Variants in CCDC112 observed in about 807,000 individuals in gnomAD.
CCDC112 encodes the protein coiled-coil domain-containing protein 112.
CCDC112 carries 40 observed loss-of-function variants against 66.3 expected under a neutral mutation model. That is an observed-to-expected ratio of 0.60 (90% CI 0.47 to 0.79). The LOEUF is 0.79. Among genes scored for constraint, CCDC112 ranks in the 30% least tolerant of loss-of-function variants. The probability of loss-of-function intolerance (pLI) is 0.00; values close to 1 mark genes in which losing one functional copy is unlikely to be tolerated. For missense variants in CCDC112, 659 were observed against 603.8 expected (o/e 1.09, Z -0.96); for synonymous variants, 214 against 197.2 (o/e 1.09, Z -0.71).
rs1452231364 is a variant in CCDC112, at chr5:115,279,635, A to C, written c.361+12T>G. ...GCTCAACAGTTTTTAGTTCATCACA[A>C]ACTCAACTTACTTTCTGTTTTCCTG... On this transcript the variant is annotated intron_variant, in intron 3 of 9. Coordinates refer to ENST00000379611, the MANE Select transcript of CCDC112 (RefSeq NM_001040440.3). 1 of 1,609,944 alleles carries C rather than the reference A, an allele frequency of 6.2e-7. No homozygotes were observed. The highest frequency in any genetic ancestry group is 1.7e-5 in the Admixed American group (1 of 59,954).
chr5:115,296,482 G>C lies in CCDC112; in HGVS notation c.62C>G (p.Ala21Gly). The change falls in exon 1 of 10, where the codon GCA (alanine) becomes GGA (glycine). Residue 21 changes from alanine to glycine, a missense_variant. By Grantham distance (60) the Ala-to-Gly change is moderately conservative. Transcript: ENST00000379611. ...AAATAVAGAV[A>G]GAGAATGTGV... is the part of the protein sequence containing the mutation. ...GGTCCCGGTGGCCGCGCCCGCCCCT[G>C]CCACAGCCCCGGCTACCGCGGTGGC... 1 of 1,566,558 alleles carries C rather than the reference G, an allele frequency of 6.4e-7. No homozygotes were observed. The highest frequency in any genetic ancestry group is 8.6e-7 in the Non-Finnish European group (1 of 1,162,986).
chr5:115,284,698 G>A, intron 2 of CCDC112, 89 bp downstream of exon 2: 1 of 995,658 alleles, frequency 1.0e-6, no homozygotes, highest in East Asian at 2.6e-5. Flanking sequence ...CTTAATGTGA[G>A]CCTAGGTAGG....
chr5:115,290,989 T>C (rs1198876615), intron 1 of CCDC112, among the ~76,000 whole-genome samples: 2 of 152,200 alleles, frequency 1.3e-5, no homozygotes, highest in East Asian at 3.8e-4. Context: ...TTTGCTCTTC[T>C]TGCCTAATTG....
Position 115,275,197 on chromosome 5 carries a change from T to A in CCDC112, c.918+19A>T, listed in dbSNP as rs371495207. 7 of 1,551,942 alleles carry A rather than the reference T, an allele frequency of 4.5e-6. No individual in the cohort carries two copies. The highest frequency in any genetic ancestry group is 2.7e-5 in the African/African-American group (2 of 72,766). The stretch of plus-strand genomic sequence containing the variant: ...GAACATAGAAACACAGAATGAATAA[T>A]AGCTATTATAATTATTACCTCTTTT... On this transcript the variant is annotated intron_variant, in intron 6 of 9. Coordinates refer to ENST00000379611, the MANE Select transcript of CCDC112 (RefSeq NM_001040440.3).
At position 115,278,670 on chromosome 5, in the gene CCDC112, G is replaced by C. The variant is rs541607946; in HGVS notation, c.361+977C>G. ...GAACTGAGGGAAATAAAGAAATATT[G>C]AATCAGGGGTGTCTCGGTTTTTCAA... On this transcript the variant is annotated intron_variant, in intron 3 of 9. Transcript: ENST00000379611. 4.2e-4 allele frequency among the ~76,000 whole-genome samples: 64 copies of C among 152,070 alleles called. 1 individual carries two copies. In the South Asian group the frequency reaches 0.013, roughly 31 times the overall value.
chr5:115,271,137 T>C, intron 7 of CCDC112, 76 bp downstream of exon 7: 3 of 1,379,492 alleles, frequency 2.2e-6, no homozygotes. Context: ...AATACTCAAT[T>C]TTTGCTTAAC....
intron 3 of CCDC112, among the ~76,000 whole-genome samples, chr5:115,279,201 T>G (rs1357748826): frequency 6.6e-6 from 1 of 152,186 alleles, no homozygotes; most frequent in Non-Finnish European, 1.5e-5. Flanking sequence ...TTTATGCAAT[T>G]ATCTGACTTG....
chr5:115,280,677 T>C (rs1228742651), intron 2 of CCDC112, among the ~76,000 whole-genome samples: 3 of 151,272 alleles, frequency 2.0e-5, no homozygotes, highest in African/African-American at 7.3e-5. Flanking sequence ...CTCAGTCTCC[T>C]GAGTAGCTGG....
At chr5:115,278,487 T>TA (rs1401977834) in intron 3 of CCDC112, among the ~76,000 whole-genome samples, 1 of 151,758 alleles carries the variant, frequency 6.6e-6, no homozygotes, top group African/African-American at 2.4e-5. Flanking sequence ...AAAAATAACT[T>TA]AAAAAAATAA....
In CCDC112 at chr5:115,271,448, C is replaced by T; in HGVS notation, c.1097G>A (p.Ser366Asn). The T allele has an allele frequency of 6.2e-7, 1 of 1,611,868 alleles. No individual in the cohort carries two copies. Among genetic ancestry groups the T allele is most frequent in the Non-Finnish European group, 8.5e-7 (1 of 1,179,568 alleles). ...LAVEAWKKQK[S>N]IEMSMKCASQ... ...AGCACATTTCATTGACATTTCTATA[C>T]TTTTCTGTTTCTTCCAAGCTTCAAC... Residue 366 changes from serine (S) to asparagine (N), a missense_variant, in exon 7 of 10, where the codon AGT (serine) becomes AAT (asparagine). By Grantham distance (46) the Ser-to-Asn change is conservative. Coordinates refer to ENST00000379611, the MANE Select transcript of CCDC112 (RefSeq NM_001040440.3).
At chr5:115,270,952 C>G (rs1039174116) in intron 7 of CCDC112, among the ~76,000 whole-genome samples, 2 of 152,134 alleles carry the variant, frequency 1.3e-5, no homozygotes, top group African/African-American at 4.8e-5. Context: ...AGCGTCCCTC[C>G]CTGTACTCCC....
chr5:115,284,423 A>T (rs895898816), intron 2 of CCDC112, among the ~76,000 whole-genome samples: 25 of 152,338 alleles, frequency 1.6e-4, no homozygotes, highest in African/African-American at 6.0e-4. Flanking sequence ...CATAATAAAA[A>T]AACACAAAAA....
Position 115,275,204 on chromosome 5 carries a change from T to C in CCDC112, c.918+12A>G, listed in dbSNP as rs1359648863. 2 of 1,573,346 alleles carry C rather than the reference T, an allele frequency of 1.3e-6. No homozygotes were observed. The highest frequency in any genetic ancestry group is 1.7e-6 in the Non-Finnish European group (2 of 1,153,588). ...GAAACACAGAATGAATAATAGCTAT[T>C]ATAATTATTACCTCTTTTTTTCTTT... On this transcript the variant is annotated intron_variant, in intron 6 of 9. Transcript: ENST00000379611.
intron 1 of CCDC112, among the ~76,000 whole-genome samples, chr5:115,290,123 T>G (rs912638035): frequency 6.6e-6 from 1 of 152,252 alleles, no homozygotes; most frequent in Non-Finnish European, 1.5e-5. Context: ...TTATTCTAAG[T>G]TTTTTAGACC....
At chr5:115,296,197 G>A (rs1268519323) in intron 1 of CCDC112, 4 of 1,275,172 alleles carry the variant, frequency 3.1e-6, no homozygotes, top group Non-Finnish European at 4.0e-6. Context: ...GGAAGCGGCA[G>A]AGCCGGGTTC....
intron 1 of CCDC112, among the ~76,000 whole-genome samples, chr5:115,288,131 C>T (rs1337679101): frequency 1.3e-5 from 2 of 152,086 alleles, no homozygotes; most frequent in Non-Finnish European, 2.9e-5. Context: ...CAGGCACCCA[C>T]CACCACGCCC....
rs1049669908 is a variant in CCDC112, at chr5:115,280,722, AT to A, written c.240-955del. ...GGCACACAACCACCATGCCCAGCTA[AT>A]TTTTTTTTTTGATAGATATAGGGTT... On this transcript the variant is annotated intron_variant, in intron 2 of 9. Transcript: ENST00000379611. 6.5e-3 allele frequency among the ~76,000 whole-genome samples: 956 copies of A among 147,770 alleles called. 7 individuals carry two copies. The highest frequency in any genetic ancestry group is 0.018 in the African/African-American group (708 of 40,446).
At chr5:115,273,346 C>T (rs190011593) in intron 6 of CCDC112, among the ~76,000 whole-genome samples, 72 of 152,274 alleles carry the variant, frequency 4.7e-4, no homozygotes, top group African/African-American at 1.6e-3. Flanking sequence ...ATTAAAAACA[C>T]AAGACATATT....
Position 115,269,496 on chromosome 5 carries a change from G to A in CCDC112, c.1428+207C>T, listed in dbSNP as rs1748909095. The A allele has an allele frequency of 1.0e-5, 5 of 494,526 alleles. No homozygotes were observed. The South Asian group carries it at 1.0e-4, about 10-fold the overall frequency. 30.6% of individuals were successfully genotyped at this position (494,526 alleles called of 1,614,324 possible). A position where few individuals can be genotyped will look rare whatever the true frequency, so the allele number is the denominator to read the frequency against. ...ACAATAATTCAGAGTGAAAGAAAAC[G>A]GTGCTCATAAGGTAAAATGACAGAA... On this transcript the variant is annotated intron_variant, in intron 8 of 9. Transcript: ENST00000379611.
Sources: allele counts gnomAD v4.1 joint callset (sites outside exome capture counted in the v4.1 genomes callset), GRCh38; gene constraint gnomAD v4.1.1; transcripts MANE v1.5; gene names NCBI Gene and HGNC (gene_info 2026-07-23, HGNC 2026-07-21).